GLIS3: variants seen among roughly 807,000 people sequenced by gnomAD.
GLIS3 encodes zinc finger protein GLIS3.
Under a neutral mutation model 78.6 loss-of-function variants are expected in GLIS3, and 53 were observed. That is an observed-to-expected ratio of 0.67 (90% confidence interval 0.54 to 0.85). The LOEUF is 0.85. GLIS3 is among the 40% of genes least tolerant of loss of function. The pLI is 0.00. For missense variants in GLIS3, 1,703 were observed against 1,231.1 expected (o/e 1.38, Z -5.74); for synonymous variants, 684 against 509.9 (o/e 1.34, Z -4.60).
Position 3,847,095 on chromosome 9 carries a change from A to T in GLIS3, c.2473+8914T>A, listed in dbSNP as rs530126362. Among the ~76,000 whole-genome samples the T allele has an allele frequency of 5.9e-4, 90 of 152,324 alleles. 1 individual carries two copies. Among genetic ancestry groups the T allele is most frequent in the Non-Finnish European group, 1.1e-3 (74 of 68,028 alleles). On this transcript the variant is annotated intron_variant, in intron 9 of 10. Coordinates refer to ENST00000381971, the MANE Select transcript of GLIS3 (RefSeq NM_001042413.2). ...GGTACTCGGGAGGCTGAAGCAGGAG[A>T]ATCACTTGAGCCCGGGAGGCAGAGG... is the stretch of plus-strand genomic sequence containing the variant.
the GLIS3 span, among the ~76,000 whole-genome samples, chr9:4,449,793 G>C: frequency 6.6e-6 from 1 of 152,224 alleles, no homozygotes; most frequent in South Asian, 2.1e-4. Flanking sequence ...GAAAGGAATA[G>C]CATCAACATC....
intron 9 of GLIS3, among the ~76,000 whole-genome samples, chr9:3,850,830 C>T (rs1819383496): frequency 6.6e-6 from 1 of 152,176 alleles, no homozygotes; most frequent in Admixed American, 6.5e-5. Context: ...TCCGTTCTCA[C>T]CTGTGCTCTT....
chr9:4,203,479 C>A (rs1389796184), intron 2 of GLIS3, among the ~76,000 whole-genome samples: 1 of 152,096 alleles, frequency 6.6e-6, no homozygotes, highest in African/African-American at 2.4e-5. Context: ...ACGTCCTGCA[C>A]ATGTAGCCTG....
intron 4 of GLIS3, among the ~76,000 whole-genome samples, chr9:4,112,384 A>G (rs1034422473): frequency 1.7e-4 from 26 of 152,254 alleles, no homozygotes; most frequent in African/African-American, 5.8e-4. Context: ...GATGTACTCT[A>G]CTAAACACTA....
At chr9:4,250,829 T>A (rs1291143971) in intron 2 of GLIS3, among the ~76,000 whole-genome samples, 1 of 152,220 alleles carries the variant, frequency 6.6e-6, no homozygotes. Context: ...TCTCATTGGT[T>A]TCAAAGAAAT....
intron 4 of GLIS3, among the ~76,000 whole-genome samples, chr9:4,097,216 C>G (rs1336132919): frequency 6.6e-6 from 1 of 152,020 alleles, no homozygotes; most frequent in African/African-American, 2.4e-5. Context: ...CACCAGAAGC[C>G]ACAGAGAACT....
the GLIS3 span, among the ~76,000 whole-genome samples, chr9:4,416,938 C>A: frequency 7.9e-5 from 12 of 151,198 alleles, no homozygotes; most frequent in Non-Finnish European, 1.8e-4. Context: ...CCTTCCTCAG[C>A]CTAGTGATTT....
chr9:4,271,138 C>A (rs1055664178), intron 2 of GLIS3, among the ~76,000 whole-genome samples: 1 of 151,974 alleles, frequency 6.6e-6, no homozygotes, highest in African/African-American at 2.4e-5. Flanking sequence ...ATATATTTTT[C>A]TTATTAATAA....
intron 2 of GLIS3, among the ~76,000 whole-genome samples, chr9:4,318,711 G>C (rs1265921401): frequency 1.3e-5 from 2 of 152,170 alleles, no homozygotes; most frequent in African/African-American, 4.8e-5. Context: ...AGAAATGTTT[G>C]TTTTAAAAAT....
intron 9 of GLIS3, among the ~76,000 whole-genome samples, chr9:3,829,737 A>G (rs562219611): frequency 2.1e-3 from 315 of 152,322 alleles, no homozygotes; most frequent in African/African-American, 7.1e-3. Flanking sequence ...TAGTATCTGA[A>G]GTGGGAAGGC....
chr9:4,221,627 G>A (rs1821337521), intron 2 of GLIS3, among the ~76,000 whole-genome samples: 2 of 152,012 alleles, frequency 1.3e-5, no homozygotes, highest in Non-Finnish European at 2.9e-5. Flanking sequence ...TCTGAATAAA[G>A]AACTACCAGT....
the GLIS3 span, among the ~76,000 whole-genome samples, chr9:4,465,732 AC>A: frequency 2.0e-5 from 3 of 152,180 alleles, no homozygotes; most frequent in Non-Finnish European, 4.4e-5. Flanking sequence ...CTATGCATCT[AC>A]AAAAATTTTT....
chr9:3,964,570 C>T (rs1817788892), intron 4 of GLIS3, among the ~76,000 whole-genome samples: 2 of 152,190 alleles, frequency 1.3e-5, no homozygotes, highest in Non-Finnish European at 2.9e-5. Flanking sequence ...GAAATATGAT[C>T]AGACATATAA....
chr9:3,890,715 A>G (rs1822374122), intron 7 of GLIS3, among the ~76,000 whole-genome samples: 1 of 152,078 alleles, frequency 6.6e-6, no homozygotes, highest in Non-Finnish European at 1.5e-5. Flanking sequence ...TCTTTCTGGC[A>G]TAGCACGCTG....
chr9:4,256,884 A>G (rs1225794468), intron 2 of GLIS3, among the ~76,000 whole-genome samples: 1 of 152,236 alleles, frequency 6.6e-6, no homozygotes, highest in Non-Finnish European at 1.5e-5. Context: ...TCTTGTAAAG[A>G]TATCTGTACT....
chr9:3,879,660 G>A lies in GLIS3; in HGVS notation c.2129-65C>T, dbSNP rs775035316. The A allele has an allele frequency of 5.3e-5, 82 of 1,551,316 alleles. 1 individual carries two copies. The highest frequency in any genetic ancestry group is 3.0e-4 in the Admixed American group (17 of 56,474). On this transcript the variant is annotated intron_variant, in intron 7 of 10. Transcript: ENST00000381971. ...AGGAAGCCCACGTTTTTTAAATACC[G>A]AAGCCTGACAGCAAGCATATTTGAG...
intron 4 of GLIS3, among the ~76,000 whole-genome samples, chr9:4,114,448 G>T (rs993959608): frequency 6.6e-6 from 1 of 152,156 alleles, no homozygotes; most frequent in Non-Finnish European, 1.5e-5. Context: ...TCCATGACTT[G>T]TTCTGACCTG....
At chr9:3,944,505 T>G (rs894858513) in intron 4 of GLIS3, among the ~76,000 whole-genome samples, 1 of 152,206 alleles carries the variant, frequency 6.6e-6, no homozygotes, top group African/African-American at 2.4e-5. Flanking sequence ...AGTGAATAAT[T>G]ATTTCTGTGA....
chr9:4,073,062 T>C (rs1288582605), intron 4 of GLIS3, among the ~76,000 whole-genome samples: 2 of 152,146 alleles, frequency 1.3e-5, no homozygotes, highest in East Asian at 3.8e-4. Context: ...TATACACCCC[T>C]TTTTGGTAAA....
Sources: allele counts gnomAD v4.1 joint callset (sites outside exome capture counted in the v4.1 genomes callset), GRCh38; gene constraint gnomAD v4.1.1; transcripts MANE v1.5; gene names NCBI Gene and HGNC (gene_info 2026-07-23, HGNC 2026-07-21).